BBX: variants seen among roughly 807,000 people sequenced by gnomAD.
The protein encoded by BBX is HMG box transcription factor BBX.
BBX carries 30 observed loss-of-function variants against 100.2 expected under a neutral mutation model. The ratio of observed to expected loss-of-function variants is 0.30; its 90% CI spans 0.22 to 0.41. The LOEUF is 0.41. Among genes scored for constraint, BBX ranks in the 10% least tolerant of loss-of-function variants. The pLI is 1.00. For synonymous variants in BBX, 376 were observed against 388.1 expected, an observed-to-expected ratio of 0.97 and a Z score of 0.37; for missense variants, 1,023 against 1,129.8, an observed-to-expected ratio of 0.91 and a Z score of 1.35.
At chr3:107,655,793 C>T (rs75774080) in intron 3 of BBX, among the ~76,000 whole-genome samples, 17,725 of 151,738 alleles carry the variant, frequency 0.12, 1,379 homozygotes, top group Middle Eastern at 0.19. Context: ...CTCCACCTCC[C>T]GGATTCGCGC....
At chr3:107,615,837 A>G (rs1274091856) in intron 2 of BBX, among the ~76,000 whole-genome samples, 1 of 152,058 alleles carries the variant, frequency 6.6e-6, no homozygotes, top group Non-Finnish European at 1.5e-5. Flanking sequence ...CAAATTTGGC[A>G]ATCATTGGCA....
Position 107,543,877 on chromosome 3 carries a change from G to T in BBX, c.-84+17479G>T, listed in dbSNP as rs796165073. Among the ~76,000 whole-genome samples, 8 of 152,166 alleles carry T rather than the reference G, an allele frequency of 5.3e-5. No individual in the cohort carries two copies. The South Asian group carries it at 8.3e-4, about 16-fold the overall frequency. Reference sequence around the variant, plus strand: ...CCATAACAGATTTAGTTGTGAAAGGGTCATTTAACTGATTTGTGTACTGCG... The same window carrying T: ...CCATAACAGATTTAGTTGTGAAAGGTTCATTTAACTGATTTGTGTACTGCG... On this transcript the variant is annotated intron_variant, in intron 2 of 17. Coordinates refer to ENST00000325805, the MANE Select transcript of BBX (RefSeq NM_001142568.3).
intron 2 of BBX, among the ~76,000 whole-genome samples, chr3:107,606,668 G>C (rs1369279018): frequency 6.6e-6 from 1 of 151,510 alleles, no homozygotes; most frequent in Non-Finnish European, 1.5e-5. Flanking sequence ...AATTTTTGTG[G>C]GTACCTTGTA....
chr3:107,791,167 T>A, intron 14 of BBX, 73 bp from the exon 15 acceptor site: 2 of 1,270,478 alleles, frequency 1.6e-6, no homozygotes, highest in Non-Finnish European at 2.3e-6. Context: ...GTATATCATC[T>A]TGTTTTTGTA....
chr3:107,612,756 A>G (rs1461236178), intron 2 of BBX, among the ~76,000 whole-genome samples: 4 of 152,084 alleles, frequency 2.6e-5, no homozygotes, highest in South Asian at 2.1e-4. Context: ...TCTACTGCCT[A>G]TGTTTGCTCA....
intron 17 of BBX, 105 bp from the exon 18 acceptor site, chr3:107,805,265 G>GT (rs3840144): frequency 0.44 from 544,775 of 1,227,328 alleles, 128,426 homozygotes; most frequent in East Asian, 0.86. Context: ...AGTAACAGCA[G>GT]TAACTGTTAA....
rs1415111980 is a variant in BBX, at chr3:107,526,545, G to A, written c.-84+147G>A. The A allele has an allele frequency of 1.5e-5, 6 of 394,138 alleles. No individual in the cohort carries two copies. The South Asian group carries it at 8.6e-4, about 56-fold the overall frequency. The allele number at this position is 394,138 out of a possible 1,614,324, so 24.4% of individuals were successfully genotyped here. A position where few individuals can be genotyped will look rare whatever the true frequency, so the allele number is the denominator to read the frequency against. ...ACTGAGTTTCCCACAGCATAAGTCA[G>A]TTTATGATTCTTAGTGTTTAGAATT... On this transcript the variant is annotated intron_variant, in intron 2 of 17. Transcript: ENST00000325805.
At chr3:107,735,176 TA>T (rs2063558973) in intron 7 of BBX, among the ~76,000 whole-genome samples, 1 of 152,150 alleles carries the variant, frequency 6.6e-6, no homozygotes, top group Non-Finnish European at 1.5e-5. Flanking sequence ...CAGCTATCAG[TA>T]GACTGCATTA....
chr3:107,801,025 G>A, intron 16 of BBX, 70 bp from the exon 17 acceptor site: 1 of 1,446,412 alleles, frequency 6.9e-7, no homozygotes, highest in South Asian at 1.3e-5. Context: ...GACTGGCACA[G>A]CGTTTTCTAT....
chr3:107,608,658 T>C (rs1371467589), intron 2 of BBX, among the ~76,000 whole-genome samples: 1 of 152,206 alleles, frequency 6.6e-6, no homozygotes, highest in African/African-American at 2.4e-5. Context: ...TTGGGTAGTA[T>C]GGACATTTTA....
intron 10 of BBX, among the ~76,000 whole-genome samples, chr3:107,764,527 T>C (rs1443288693): frequency 1.3e-5 from 2 of 152,206 alleles, no homozygotes; most frequent in Non-Finnish European, 2.9e-5. Context: ...CCTGAGGGAA[T>C]AGACGATAGG....
chr3:107,789,685 T>C, intron 13 of BBX, 102 bp from the exon 14 acceptor site: 1 of 790,160 alleles, frequency 1.3e-6, no homozygotes, highest in Non-Finnish European at 1.9e-6. Flanking sequence ...TTCAATTTGC[T>C]TATTCCACAG....
At chr3:107,723,406 A>AT (rs1222250474) in intron 5 of BBX, among the ~76,000 whole-genome samples, 1 of 151,540 alleles carries the variant, frequency 6.6e-6, no homozygotes, top group African/African-American at 2.4e-5. Context: ...TTTTTATTTT[A>AT]TTTTTTTAAT....
intron 2 of BBX, among the ~76,000 whole-genome samples, chr3:107,541,955 C>A (rs1299566511): frequency 6.6e-6 from 1 of 151,960 alleles, no homozygotes; most frequent in Non-Finnish European, 1.5e-5. Flanking sequence ...AGCAGTTGGG[C>A]TACAGGTGTT....
At chr3:107,791,379 A>G (rs2069011192) in intron 15 of BBX, 80 bp downstream of exon 15, 4 of 1,236,840 alleles carry the variant, frequency 3.2e-6, no homozygotes, top group Non-Finnish European at 4.7e-6. Flanking sequence ...AAAAGGTATA[A>G]TTTATATAGG....
intron 3 of BBX, among the ~76,000 whole-genome samples, chr3:107,696,527 C>A (rs1397359297): frequency 6.6e-6 from 1 of 151,758 alleles, no homozygotes; most frequent in African/African-American, 2.4e-5. Flanking sequence ...ATACTGGCCC[C>A]CACTCTCTTC....
At chr3:107,748,993 T>C (rs2107635599) in intron 9 of BBX, among the ~76,000 whole-genome samples, 1 of 151,934 alleles carries the variant, frequency 6.6e-6, no homozygotes, top group East Asian at 1.9e-4. Flanking sequence ...TTTTGGCTCT[T>C]ACATTAAAAA....
At chr3:107,690,892 C>CTTTTTTTTTTTTTT (rs66523709) in intron 3 of BBX, among the ~76,000 whole-genome samples, 2 of 41,190 alleles carry the variant, frequency 4.9e-5, no homozygotes, top group African/African-American at 1.1e-4. Flanking sequence ...GCCCCCCCCC[C>CTTTTTTTTTTTTTT]TTTTTTTTTT....
chr3:107,554,113 G>A (rs936251659), intron 2 of BBX, among the ~76,000 whole-genome samples: 1 of 152,062 alleles, frequency 6.6e-6, no homozygotes, highest in African/African-American at 2.4e-5. Context: ...CGCGTGTAGA[G>A]AAGGTAAAGG....
Sources: allele counts gnomAD v4.1 joint callset (sites outside exome capture counted in the v4.1 genomes callset), GRCh38; gene constraint gnomAD v4.1.1; transcripts MANE v1.5; gene names NCBI Gene and HGNC (gene_info 2026-07-23, HGNC 2026-07-21).